Variants in PALS2 observed in about 807,000 individuals in gnomAD.
PALS2 encodes the protein protein associated with LIN7 2, MAGUK p55 family member.
A neutral mutation model predicts 61.6 loss-of-function variants in PALS2; 27 were observed. The observed-to-expected ratio is 0.44, with a 90% CI of 0.32 to 0.60. The LOEUF (loss-of-function observed/expected upper bound fraction) is 0.60, where lower values mean the gene tolerates loss of function less well. PALS2 is among the 20% of genes least tolerant of loss of function. The pLI is 0.05. For synonymous variants in PALS2, 236 were observed against 218.6 expected, an observed-to-expected ratio of 1.08 and a Z score of -0.70; for missense variants, 554 against 639.4, an observed-to-expected ratio of 0.87 and a Z score of 1.44.
At chr7:24,613,193 T>A (rs1784174336) in intron 1 of PALS2, among the ~76,000 whole-genome samples, 1 of 151,790 alleles carries the variant, frequency 6.6e-6, no homozygotes, top group Non-Finnish European at 1.5e-5. Context: ...TCTTAAAGGT[T>A]TGATAGACTT....
rs1788457379 is a variant in PALS2 at position 24,691,385 on chromosome 7, A to ATTTATGTGTGTG, written c.*3772_*3773insTTATGTGTGTGT. 1.8e-5 allele frequency: 1 copy of ATTTATGTGTGTG among 57,016 alleles called. No individual in the cohort carries two copies. The highest frequency in any genetic ancestry group is 1.1e-4 in the African/African-American group (1 of 9,152). The allele number at this position is 57,016 out of a possible 1,614,324, so 3.5% of individuals were successfully genotyped here. A position where few individuals can be genotyped will look rare whatever the true frequency, so the allele number is the denominator to read the frequency against. Reference sequence around the variant, plus strand: ...TTAAATGTTCGAGTTGCCATATATTATGTATGTGTGTGTGTGTGTGTATAT... The same window carrying ATTTATGTGTGTG: ...TTAAATGTTCGAGTTGCCATATATTATTTATGTGTGTGTGTATGTGTGTGTGTGTGTGTATAT... On this transcript the variant is annotated 3_prime_UTR_variant, in exon 12 of 12. Coordinates refer to ENST00000222644, the MANE Select transcript of PALS2 (RefSeq NM_001303037.2).
rs776996964 is a variant in PALS2 at position 24,665,681 on chromosome 7, A to G, written c.877A>G (p.Asn293Asp). 7 of 1,613,144 alleles carry G rather than the reference A, an allele frequency of 4.3e-6. No homozygotes were observed. Among genetic ancestry groups the G allele is most frequent in the Non-Finnish European group, 5.1e-6 (6 of 1,179,176 alleles). The change falls in exon 7 of 12, where the codon AAT becomes GAT. Residue 293 changes from asparagine (N) to aspartate (D), a missense_variant. Physicochemically the swap from Asn to Asp is conservative, Grantham distance 23. Transcript: ENST00000222644. Reference sequence around the variant, plus strand: ...GGCATTTGTTAGAAGAGACTGGGACAATTCAGGTGATGAGCTCGACACAAT... The same window carrying G: ...GGCATTTGTTAGAAGAGACTGGGACGATTCAGGTGATGAGCTCGACACAAT... ...RKAFVRRDWD[N>D]SGPFCGTISS...
intron 8 of PALS2, among the ~76,000 whole-genome samples, chr7:24,668,021 A>G (rs1323578986): frequency 6.6e-6 from 1 of 152,066 alleles, no homozygotes; most frequent in Non-Finnish European, 1.5e-5. Flanking sequence ...AAAGCAAGAT[A>G]TAAAATAATT....
At position 24,691,534 on chromosome 7, in the gene PALS2, A is replaced by G. The variant is rs1722794326; in HGVS notation, c.*3920A>G. On this transcript the variant is annotated 3_prime_UTR_variant, in exon 12 of 12. Transcript: ENST00000222644. ...TTCATGTAATTATAACTAGCATTCT[A>G]AAATTTTTAATTACTCCCATTTCTT... is the stretch of plus-strand genomic sequence containing the variant. 1 of 150,704 alleles carries G rather than the reference A, an allele frequency of 6.6e-6. No homozygotes were observed. The highest frequency in any genetic ancestry group is 2.1e-4 in the South Asian group (1 of 4,786). 9.3% of individuals were successfully genotyped at this position (150,704 alleles called of 1,614,324 possible).
intron 1 of PALS2, among the ~76,000 whole-genome samples, chr7:24,593,509 G>GCTA (rs915001242): frequency 3.2e-4 from 49 of 152,212 alleles, no homozygotes; most frequent in African/African-American, 1.2e-3. Context: ...ATCTATGGCA[G>GCTA]CTATCGTCTT....
intron 5 of PALS2, among the ~76,000 whole-genome samples, chr7:24,653,129 G>A (rs1241496497): frequency 1.3e-5 from 2 of 152,068 alleles, no homozygotes; most frequent in Non-Finnish European, 2.9e-5. Context: ...TTTCATTCAA[G>A]GATATACATT....
intron 1 of PALS2, among the ~76,000 whole-genome samples, chr7:24,587,094 A>G (rs1308847538): frequency 6.6e-6 from 1 of 151,392 alleles, no homozygotes; most frequent in African/African-American, 2.4e-5. Context: ...TGGCCCCTAG[A>G]TTTGAGCAAG....
At chr7:24,669,255 G>T (rs963862582) in intron 9 of PALS2, among the ~76,000 whole-genome samples, 6 of 152,268 alleles carry the variant, frequency 3.9e-5, no homozygotes, top group African/African-American at 1.4e-4. Context: ...CTCATTTTAT[G>T]GTCTTTGCAT....
intron 8 of PALS2, among the ~76,000 whole-genome samples, 185 bp from the exon 9 acceptor site, chr7:24,668,314 A>C (rs554924774): frequency 2.0e-5 from 3 of 152,282 alleles, no homozygotes; most frequent in African/African-American, 7.2e-5. Flanking sequence ...TCTTAAAAAC[A>C]ATAATAAAAT....
At chr7:24,673,888 A>T (rs1364453577) in intron 9 of PALS2, among the ~76,000 whole-genome samples, 1 of 151,908 alleles carries the variant, frequency 6.6e-6, no homozygotes, top group Non-Finnish European at 1.5e-5. Flanking sequence ...ATCTTTTTTA[A>T]CATAGGCATT....
intron 9 of PALS2, among the ~76,000 whole-genome samples, chr7:24,674,884 ATTAC>A (rs1787480193): frequency 6.6e-6 from 1 of 152,164 alleles, no homozygotes; most frequent in Admixed American, 6.5e-5. Flanking sequence ...CAAATGAAGT[ATTAC>A]TTTGTTGATT....
intron 1 of PALS2, among the ~76,000 whole-genome samples, chr7:24,582,306 T>C (rs1782874869): frequency 6.6e-6 from 1 of 152,248 alleles, no homozygotes. Flanking sequence ...TTTGTAATAA[T>C]GGCTTGCTAA....
intron 1 of PALS2, among the ~76,000 whole-genome samples, chr7:24,605,480 TATAA>T (rs1207461788): frequency 2.0e-5 from 3 of 152,202 alleles, no homozygotes; most frequent in East Asian, 3.8e-4. Context: ...ATATTACTTA[TATAA>T]ATACAGTAAC....
Position 24,650,373 on chromosome 7 carries a change from T to A in PALS2, c.424-112T>A, listed in dbSNP as rs577362910. 25 of 892,036 alleles carry A rather than the reference T, an allele frequency of 2.8e-5. No individual in the cohort carries two copies. The East Asian group carries it at 6.4e-4, about 23-fold the overall frequency. The allele number at this position is 892,036 out of a possible 1,614,324, so 55.3% of individuals were successfully genotyped here. A position where few individuals can be genotyped will look rare whatever the true frequency, so the allele number is the denominator to read the frequency against. ...GAGACAGGAGAGAACATGGGAAAAG[T>A]AAGAATGATTCATTTTACCTAGTTT... is the stretch of plus-strand genomic sequence containing the variant. On this transcript the variant is annotated intron_variant, in intron 4 of 11. Coordinates refer to ENST00000222644, the MANE Select transcript of PALS2 (RefSeq NM_001303037.2).
intron 2 of PALS2, among the ~76,000 whole-genome samples, chr7:24,633,633 A>G (rs2721789): frequency 0.5 from 76,598 of 151,830 alleles, 23,058 homozygotes; most frequent in African/African-American, 0.83. Flanking sequence ...TCTCAGTTTC[A>G]GATTTTGTAG....
intron 1 of PALS2, among the ~76,000 whole-genome samples, chr7:24,602,025 C>G (rs1463201141): frequency 6.6e-6 from 1 of 151,992 alleles, no homozygotes. Context: ...TTTTGTCTCT[C>G]CTTTCTTTCC....
chr7:24,580,383 G>A (rs1446512755), intron 1 of PALS2, among the ~76,000 whole-genome samples: 2 of 152,086 alleles, frequency 1.3e-5, no homozygotes, highest in African/African-American at 4.8e-5. Flanking sequence ...AATACATCCT[G>A]TGGAATATTC....
chr7:24,591,942 T>C (rs149859856), intron 1 of PALS2, among the ~76,000 whole-genome samples: 66 of 152,174 alleles, frequency 4.3e-4, no homozygotes, highest in Non-Finnish European at 9.0e-4. Context: ...AGTGCTATGA[T>C]TGGGGACCAT....
intron 8 of PALS2, among the ~76,000 whole-genome samples, chr7:24,667,653 A>G (rs138055884): frequency 0.01 from 1,471 of 144,964 alleles, 16 homozygotes; most frequent in Non-Finnish European, 0.018. Flanking sequence ...GCTTGATTAG[A>G]TAAATTTTTT....
Sources: gnomAD v4.1 joint callset for allele counts (sites outside exome capture counted in the v4.1 genomes callset) on GRCh38, gnomAD v4.1.1 for gene constraint, MANE v1.5 for transcripts, NCBI Gene and HGNC (gene_info 2026-07-23, HGNC 2026-07-21) for gene names.